Variants in SLA observed in about 807,000 individuals in gnomAD.
SLA encodes the protein src-like-adapter.
A neutral mutation model predicts 30.3 loss-of-function variants in SLA; 16 were observed. The observed-to-expected ratio is 0.53, with a 90% CI of 0.36 to 0.80. SLA has a LOEUF of 0.80. Among genes scored for constraint, SLA ranks in the 30% least tolerant of loss-of-function variants. SLA has a pLI of 0.01. For synonymous variants in SLA, 143 were observed against 137.8 expected (o/e 1.04, Z -0.26); for missense variants, 310 against 345.2 (o/e 0.90, Z 0.81).
intron 7 of SLA, 32 bp from the exon 8 acceptor site, chr8:133,040,162 C>T: frequency 6.4e-7 from 1 of 1,567,572 alleles, no homozygotes; most frequent in Non-Finnish European, 8.6e-7. Flanking sequence ...CGGTCAGGGA[C>T]CCTGGGGACG....
chr8:133,101,097 G>A (rs1849186235), intron 1 of SLA, among the ~76,000 whole-genome samples: 1 of 152,116 alleles, frequency 6.6e-6, no homozygotes, highest in East Asian at 1.9e-4. Context: ...AGGGTGGCGG[G>A]TGGCAGGCTC....
chr8:133,097,319 T>C (rs1848574351), intron 1 of SLA, among the ~76,000 whole-genome samples: 1 of 152,236 alleles, frequency 6.6e-6, no homozygotes, highest in Non-Finnish European at 1.5e-5. Context: ...AAAGCTCCAG[T>C]TTTACATGAT....
chr8:133,043,939 C>T (rs1031151992), intron 7 of SLA, among the ~76,000 whole-genome samples: 6 of 152,122 alleles, frequency 3.9e-5, no homozygotes, highest in African/African-American at 1.2e-4. Flanking sequence ...GGCAATGTTC[C>T]GCTGGGTAAA....
intron 1 of SLA, among the ~76,000 whole-genome samples, chr8:133,100,669 G>A (rs961931017): frequency 1.3e-5 from 2 of 152,038 alleles, no homozygotes; most frequent in East Asian, 1.9e-4. Context: ...TTCCCATGAC[G>A]TCACTCTGGG....
At chr8:133,053,849 T>A (rs1302139467) in intron 3 of SLA, among the ~76,000 whole-genome samples, 1 of 152,218 alleles carries the variant, frequency 6.6e-6, no homozygotes, top group Admixed American at 6.5e-5. Context: ...AGTGATGTTT[T>A]GATAGCTATG....
At chr8:133,053,005 C>A (rs1840704369) in intron 3 of SLA, among the ~76,000 whole-genome samples, 1 of 152,204 alleles carries the variant, frequency 6.6e-6, no homozygotes, top group African/African-American at 2.4e-5. Context: ...ATTAACATGG[C>A]ACTGTGCTGC....
intron 2 of SLA, among the ~76,000 whole-genome samples, chr8:133,069,001 A>C (rs1201223268): frequency 6.6e-6 from 1 of 152,256 alleles, no homozygotes; most frequent in East Asian, 1.9e-4. Flanking sequence ...GGCAATGAAG[A>C]AAGAGTGGTA....
chr8:133,101,548 C>G (rs1849255110), intron 1 of SLA, among the ~76,000 whole-genome samples: 2 of 151,824 alleles, frequency 1.3e-5, no homozygotes, highest in Admixed American at 1.3e-4. Flanking sequence ...CCTGCCCCAT[C>G]TGGGGCTGAG....
At chr8:133,094,799 G>A in intron 1 of SLA, 4 of 587,370 alleles carry the variant, frequency 6.8e-6, no homozygotes, top group Non-Finnish European at 1.2e-5. Context: ...AGGTTCCCTT[G>A]TGCAGCACCC....
chr8:133,038,366 G>A lies in SLA; in HGVS notation c.*158C>T, dbSNP rs145659174. ...GAGGGGTTCCTTTGGTCATGATGTG[G>A]ATAGAGAAGATGCGAATTTGAGTCT... On this transcript the variant is annotated 3_prime_UTR_variant, in exon 9 of 9. Transcript: ENST00000338087. The A allele has an allele frequency of 1.6e-5, 10 of 640,234 alleles. No homozygotes were observed. The highest frequency in any genetic ancestry group is 2.8e-5 in the Non-Finnish European group (10 of 359,212). 39.7% of individuals were successfully genotyped at this position (640,234 alleles called of 1,614,324 possible). A position where few individuals can be genotyped will look rare whatever the true frequency, so the allele number is the denominator to read the frequency against.
At chr8:133,096,372 A>AG in intron 1 of SLA, 1 of 1,614,174 alleles carries the variant, frequency 6.2e-7, no homozygotes, top group East Asian at 2.2e-5. Context: ...AAGGCTGTGA[A>AG]GGTAAGCAGG....
chr8:133,072,187 C>T (rs2739151), intron 2 of SLA, among the ~76,000 whole-genome samples: 92,958 of 152,100 alleles, frequency 0.61, 28,899 homozygotes, highest in East Asian at 0.79. Flanking sequence ...TGCTAAGGAG[C>T]GAAGTGTGAC....
chr8:133,094,439 AC>A (rs1564183316), intron 1 of SLA, among the ~76,000 whole-genome samples: 1 of 151,776 alleles, frequency 6.6e-6, no homozygotes, highest in East Asian at 1.9e-4. Context: ...ATGGGGTTTC[AC>A]TGTGTTAGCC....
chr8:133,080,289 G>A (rs967756656), intron 1 of SLA, among the ~76,000 whole-genome samples: 1 of 152,262 alleles, frequency 6.6e-6, no homozygotes, highest in South Asian at 2.1e-4. Flanking sequence ...CGTATGTTAC[G>A]TATTTAGTCT....
intron 1 of SLA, chr8:133,096,274 T>C: frequency 1.2e-6 from 2 of 1,614,222 alleles, no homozygotes; most frequent in Non-Finnish European, 1.7e-6. Flanking sequence ...TCCGTGAGCC[T>C]CCAGCCAGAG....
intron 2 of SLA, among the ~76,000 whole-genome samples, chr8:133,071,094 C>T (rs1228262399): frequency 6.6e-6 from 1 of 152,208 alleles, no homozygotes; most frequent in African/African-American, 2.4e-5. Context: ...GGAGGCCTCC[C>T]TGTGTCCACC....
At chr8:133,100,799 C>A (rs1034559657) in intron 1 of SLA, among the ~76,000 whole-genome samples, 4 of 152,256 alleles carry the variant, frequency 2.6e-5, no homozygotes, top group East Asian at 1.9e-4. Context: ...TCCAATTCTA[C>A]CCACATTCTT....
At chr8:133,092,318 G>A (rs1847687924) in intron 1 of SLA, among the ~76,000 whole-genome samples, 1 of 152,216 alleles carries the variant, frequency 6.6e-6, no homozygotes, top group African/African-American at 2.4e-5. Flanking sequence ...GGAACAAAAA[G>A]CAGTGGTCAG....
chr8:133,089,670 A>G (rs1365484510), intron 1 of SLA, among the ~76,000 whole-genome samples: 1 of 151,308 alleles, frequency 6.6e-6, no homozygotes, highest in African/African-American at 2.4e-5. Context: ...TCATTTGTTC[A>G]CTCCCTCACT....
Sources: allele counts gnomAD v4.1 joint callset (sites outside exome capture counted in the v4.1 genomes callset), GRCh38; gene constraint gnomAD v4.1.1; transcripts MANE v1.5; gene names NCBI Gene and HGNC (gene_info 2026-07-23, HGNC 2026-07-21).